The following NKAIN1 variants were observed in gnomAD, a reference collection of about 807,000 sequenced individuals.
NKAIN1 encodes the protein sodium/potassium-transporting ATPase subunit beta-1-interacting protein 1.
NKAIN1 carries 13 observed loss-of-function variants against 31.6 expected under a neutral mutation model. That is an observed-to-expected ratio of 0.41 (90% CI 0.27 to 0.65). The LOEUF is 0.65. NKAIN1 is among the 30% of genes least tolerant of loss of function. The probability of loss-of-function intolerance (pLI) is 0.30; values close to 1 mark genes in which losing one functional copy is unlikely to be tolerated. For missense variants in NKAIN1, 193 were observed against 262.2 expected (o/e 0.74, Z 1.82); for synonymous variants, 104 against 109.0 (o/e 0.95, Z 0.28).
chr1:31,187,117 A>T (rs189900775), intron 2 of NKAIN1, among the ~76,000 whole-genome samples: 1 of 152,298 alleles, frequency 6.6e-6, no homozygotes, highest in Non-Finnish European at 1.5e-5. Flanking sequence ...GGTCCTGTTC[A>T]CCTGGCTTCT....
intron 1 of NKAIN1, among the ~76,000 whole-genome samples, chr1:31,225,033 C>CTTTTTTTTTTTTTTTTT (rs1553163963): frequency 8.9e-5 from 10 of 112,112 alleles, no homozygotes; most frequent in African/African-American, 2.9e-4. Flanking sequence ...CTTTTCTTTT[C>CTTTTTTTTTTTTTTTTT]TTTTTTTTTT....
intron 1 of NKAIN1, among the ~76,000 whole-genome samples, chr1:31,215,630 C>A (rs986237022): frequency 6.6e-6 from 1 of 152,140 alleles, no homozygotes; most frequent in African/African-American, 2.4e-5. Flanking sequence ...ACCTCCTCCA[C>A]CCCTCCCCTC....
rs1439273100 is a variant in NKAIN1 at position 31,239,325 on chromosome 1, C to T, written c.54+169G>A. On this transcript the variant is annotated intron_variant, in intron 1 of 6. Coordinates refer to ENST00000373736, the MANE Select transcript of NKAIN1 (RefSeq NM_024522.3). This position sits in a 1 kb window ranked among gnomAD's most constrained non-coding sequence, Gnocchi z 4.8. The stretch of plus-strand genomic sequence containing the variant: ...AAGCGCACACAAAGAGACAGCCCGG[C>T]CAGCGGGAGCAGGCTCCGCCCGACC... Among the ~76,000 whole-genome samples the T allele has an allele frequency of 6.6e-6, 1 of 152,054 alleles. No individual in the cohort carries two copies. The highest frequency in any genetic ancestry group is 1.5e-5 in the Non-Finnish European group (1 of 68,000).
intron 1 of NKAIN1, among the ~76,000 whole-genome samples, chr1:31,229,507 C>A (rs528349055): frequency 7.9e-5 from 12 of 152,126 alleles, no homozygotes; most frequent in African/African-American, 2.9e-4. Flanking sequence ...GTAGCTGGGA[C>A]GACAGGTGCA....
At chr1:31,192,530 C>T (rs890980217) in intron 1 of NKAIN1, among the ~76,000 whole-genome samples, 1 of 152,070 alleles carries the variant, frequency 6.6e-6, no homozygotes, top group African/African-American at 2.4e-5. Context: ...TCTCTTCCTC[C>T]GATGGTGAGT....
chr1:31,230,931 G>A (rs1305044301), intron 1 of NKAIN1, among the ~76,000 whole-genome samples: 4 of 148,008 alleles, frequency 2.7e-5, no homozygotes, highest in Non-Finnish European at 4.4e-5. Context: ...TGCCCAGGCC[G>A]GAGTGTAGTG....
chr1:31,213,256 A>G (rs755319087), intron 1 of NKAIN1, among the ~76,000 whole-genome samples: 2 of 152,194 alleles, frequency 1.3e-5, no homozygotes, highest in Non-Finnish European at 2.9e-5. Flanking sequence ...ATAGATAAAT[A>G]ACCCAATTAA....
Position 31,225,033 on chromosome 1 carries a change from C to CTTTTCTTTTTTTTTTTTTTTT in NKAIN1, c.54+14460_54+14461insAAAAAAAAAAAAAAAAGAAAA, listed in dbSNP as rs542671307. 1.0e-3 allele frequency among the ~76,000 whole-genome samples: 115 copies of CTTTTCTTTTTTTTTTTTTTTT among 112,062 alleles called. 6 individuals are homozygous for CTTTTCTTTTTTTTTTTTTTTT. Among genetic ancestry groups the CTTTTCTTTTTTTTTTTTTTTT allele is most frequent in the African/African-American group, 1.2e-3 (29 of 23,886 alleles). The allele number at this position is 112,062 out of a possible 152,430, so 73.5% of individuals were successfully genotyped here. Reference sequence around the variant, plus strand: ...AGCCCATTTCTTTTTCTTTTCTTTTCTTTTTTTTTTTTTGAGACGGACTCT... The same window carrying CTTTTCTTTTTTTTTTTTTTTT: ...AGCCCATTTCTTTTTCTTTTCTTTTCTTTTCTTTTTTTTTTTTTTTTTTTTTTTTTTTTTGAGACGGACTCT... On this transcript the variant is annotated intron_variant, in intron 1 of 6. Transcript: ENST00000373736.
chr1:31,197,639 C>T (rs1285231725), intron 1 of NKAIN1, among the ~76,000 whole-genome samples: 4 of 144,440 alleles, frequency 2.8e-5, no homozygotes, highest in East Asian at 4.1e-4. Context: ...CTCTATCTCC[C>T]GGGTTCAAGC....
At chr1:31,185,511 A>G (rs973871910) in intron 2 of NKAIN1, among the ~76,000 whole-genome samples, 184 bp from the exon 3 acceptor site, 4 of 152,206 alleles carry the variant, frequency 2.6e-5, no homozygotes, top group African/African-American at 9.6e-5. Context: ...ACAGCCCTGC[A>G]AGGTCAGCAC....
chr1:31,211,561 T>C (rs995432058), intron 1 of NKAIN1, among the ~76,000 whole-genome samples: 7 of 151,462 alleles, frequency 4.6e-5, no homozygotes, highest in African/African-American at 1.7e-4. Flanking sequence ...ACTTCCCAAA[T>C]TGATCTACAG....
At chr1:31,223,669 C>G (rs7523937) in intron 1 of NKAIN1, among the ~76,000 whole-genome samples, 1 of 152,060 alleles carries the variant, frequency 6.6e-6, no homozygotes, top group African/African-American at 2.4e-5. Flanking sequence ...TGGTCCCGAT[C>G]TCCTGACCTC....
Position 31,181,660 on chromosome 1 carries a change from G to A in NKAIN1, c.*43C>T. 1.3e-5 allele frequency: 18 copies of A among 1,433,026 alleles called. No individual in the cohort carries two copies. Among genetic ancestry groups the A allele is most frequent in the Non-Finnish European group, 1.6e-5 (17 of 1,087,226 alleles). The allele number at this position is 1,433,026 out of a possible 1,614,324, so 88.8% of individuals were successfully genotyped here. A position where few individuals can be genotyped will look rare whatever the true frequency, so the allele number is the denominator to read the frequency against. On this transcript the variant is annotated 3_prime_UTR_variant, in exon 7 of 7. Transcript: ENST00000373736. Reference sequence around the variant, plus strand: ...CTTGGCCCGAGCTCGCGGCAGCTGCGGTCAGCCCAGGGCGAGGCGCCGGGG... The same window carrying A: ...CTTGGCCCGAGCTCGCGGCAGCTGCAGTCAGCCCAGGGCGAGGCGCCGGGG...
At position 31,220,236 on chromosome 1, in the gene NKAIN1, C is replaced by T. The variant is rs187195608; in HGVS notation, c.54+19258G>A. ...TTCTCCATGTTGGTCAGGCTGGTCT[C>T]GAACTCCTGACCTCAGGTGATCTGC... On this transcript the variant is annotated intron_variant, in intron 1 of 6. Coordinates refer to ENST00000373736, the MANE Select transcript of NKAIN1 (RefSeq NM_024522.3). 1.6e-4 allele frequency among the ~76,000 whole-genome samples: 23 copies of T among 148,086 alleles called. 1 individual carries two copies. Among genetic ancestry groups the T allele is most frequent in the African/African-American group, 4.2e-4 (17 of 40,328 alleles).
chr1:31,218,075 T>TCTCTCTCTCTCTCTCTCTCTC (rs1557660009), intron 1 of NKAIN1, among the ~76,000 whole-genome samples: 2 of 148,234 alleles, frequency 1.3e-5, no homozygotes, highest in African/African-American at 5.1e-5. Flanking sequence ...TTTCTTTTTT[T>TCTCTCTCTCTCTCTCTCTCTC]TTTTTGAGAT....
intron 2 of NKAIN1, among the ~76,000 whole-genome samples, chr1:31,187,815 A>G (rs1352702381): frequency 6.6e-6 from 1 of 151,622 alleles, no homozygotes; most frequent in African/African-American, 2.4e-5. Flanking sequence ...TACATGATCC[A>G]TTTTGTTTAT....
intron 1 of NKAIN1, among the ~76,000 whole-genome samples, chr1:31,215,758 C>A (rs1322798163): frequency 6.6e-6 from 1 of 152,168 alleles, no homozygotes; most frequent in African/African-American, 2.4e-5. Context: ...GGAATCATGG[C>A]AGAGGCCATG....
intron 1 of NKAIN1, among the ~76,000 whole-genome samples, chr1:31,230,635 A>C (rs1645640610): frequency 6.6e-6 from 1 of 152,208 alleles, no homozygotes; most frequent in Admixed American, 6.5e-5. Context: ...AAAGCCAGGC[A>C]AAGCACTGGG....
intron 1 of NKAIN1, among the ~76,000 whole-genome samples, chr1:31,224,492 C>T (rs1041663014): frequency 2.0e-5 from 3 of 152,194 alleles, no homozygotes; most frequent in Non-Finnish European, 4.4e-5. Flanking sequence ...ATAAACCCAT[C>T]GTAAGTCAAA....
Sources: gnomAD v4.1 joint callset for allele counts (sites outside exome capture counted in the v4.1 genomes callset) on GRCh38, gnomAD v4.1.1 for gene constraint, Gnocchi (gnomAD v3.1) non-coding constraint, MANE v1.5 for transcripts, NCBI Gene and HGNC (gene_info 2026-07-23, HGNC 2026-07-21) for gene names.